Variants in MYEF2 observed in about 807,000 individuals in gnomAD.
MYEF2 encodes the protein myelin expression factor 2, also known as myelin gene expression factor 2.
A neutral mutation model predicts 75.2 loss-of-function variants in MYEF2; 37 were observed. That is an observed-to-expected ratio of 0.49 (90% CI 0.38 to 0.65). The LOEUF is 0.65. MYEF2 is among the 30% of genes least tolerant of loss of function. The pLI is 0.00. For synonymous variants in MYEF2, 195 were observed against 241.6 expected, an observed-to-expected ratio of 0.81 and a Z score of 1.79; for missense variants, 634 against 771.4, an observed-to-expected ratio of 0.82 and a Z score of 2.11.
chr15:48,160,370 G>C (rs2039889702), intron 5 of MYEF2, among the ~76,000 whole-genome samples: 1 of 151,946 alleles, frequency 6.6e-6, no homozygotes, highest in African/African-American at 2.4e-5. Flanking sequence ...AGATGGAGGA[G>C]AGGAGAGATA....
In MYEF2 at chr15:48,158,016, T is replaced by A. The variant is rs764656358; in HGVS notation, c.962A>T (p.Asp321Val). The change falls in exon 9 of 17, where the codon GAT (aspartate) becomes GTT (valine). Residue 321 changes from aspartate to valine, a missense_variant. Transcript: ENST00000324324. ...ACGTGGTAATTGTGGTGTTTTACCA[T>A]CATGTGAACGGTACTCTTCATGAGG... ...SVPHEEYRSH[D>V]GKTPQLPRGL... The A allele has an allele frequency of 1.2e-6, 2 of 1,613,148 alleles. No homozygotes were observed. The highest frequency in any genetic ancestry group is 1.7e-6 in the Non-Finnish European group (2 of 1,179,408).
At chr15:48,151,018 C>T in intron 14 of MYEF2, 82 bp downstream of exon 14, 1 of 890,092 alleles carries the variant, frequency 1.1e-6, no homozygotes, top group Non-Finnish European at 1.7e-6. Flanking sequence ...CAAAGTATTA[C>T]TATACTACGA....
intron 2 of MYEF2, 68 bp from the exon 3 acceptor site, chr15:48,167,469 T>G: frequency 7.2e-7 from 1 of 1,382,230 alleles, no homozygotes; most frequent in African/African-American, 1.4e-5. Flanking sequence ...CTTGCTTTAC[T>G]GCACACCTGT....
In MYEF2 at chr15:48,166,002, T is replaced by C. The variant is rs1305791870; in HGVS notation, c.456A>G (p.Glu152=). 2 of 1,598,138 alleles carry C rather than the reference T, an allele frequency of 1.3e-6. No homozygotes were observed. The highest frequency in any genetic ancestry group is 2.2e-5 in the East Asian group (1 of 44,586). The change falls in exon 5 of 17, where the codon GAA becomes GAG. Residue 152 remains glutamate (E), a synonymous_variant. Coordinates refer to ENST00000324324, the MANE Select transcript of MYEF2 (RefSeq NM_016132.5). ...GCGVVEFKDE[E]FVKKALETMN... is the part of the protein sequence containing the mutation. ...TAGTTTCTAGGGCTTTCTTTACAAATTCTTCATCTTTGAATTCAACCACAC... is the reference window on the plus strand; with the variant it reads ...TAGTTTCTAGGGCTTTCTTTACAAACTCTTCATCTTTGAATTCAACCACAC...
At chr15:48,155,971 T>C (rs1238459594) in intron 9 of MYEF2, among the ~76,000 whole-genome samples, 3 of 151,694 alleles carry the variant, frequency 2.0e-5, no homozygotes, top group African/African-American at 4.8e-5. Context: ...AGAGACGGGG[T>C]TTCACCATGT....
chr15:48,178,091 G>A lies in MYEF2; in HGVS notation c.147C>T (p.Ser49=). ...EKQQPQHSSS[S]NGVKMENDES... The stretch of plus-strand genomic sequence containing the variant: ...AAAGACAATACATTTTAACGCCATT[G>A]GAGCTGCTGCTGTGCTGCGGCTGCT... The change falls in exon 1 of 17, where the codon TCC becomes TCT. Residue 49 remains serine, a synonymous_variant. Coordinates refer to ENST00000324324, the MANE Select transcript of MYEF2 (RefSeq NM_016132.5). 1 of 1,599,990 alleles carries A rather than the reference G, an allele frequency of 6.3e-7. No homozygotes were observed. Among genetic ancestry groups the A allele is most frequent in the Non-Finnish European group, 8.5e-7 (1 of 1,173,764 alleles).
intron 14 of MYEF2, 54 bp downstream of exon 14, chr15:48,151,046 T>C: frequency 8.0e-7 from 1 of 1,254,464 alleles, no homozygotes; most frequent in Admixed American, 1.9e-5. Flanking sequence ...TCTTGCAAAG[T>C]CTTTGCAAGC....
Position 48,158,695 on chromosome 15 carries a change from AC to A in MYEF2, c.871+73del, listed in dbSNP as rs578006043. 1,046 of 1,560,402 alleles carry A rather than the reference AC, an allele frequency of 6.7e-4. 10 individuals carry two copies. The African/African-American group carries it at 0.013, about 19-fold the overall frequency. ...AAGCCAGGCAACCTTAAATTCAATT[AC>A]CCCCCGCCAAAACAAAGGTGGTATT... On this transcript the variant is annotated intron_variant, in intron 7 of 16. Coordinates refer to ENST00000324324, the MANE Select transcript of MYEF2 (RefSeq NM_016132.5).
chr15:48,152,998 C>T (rs1202675457), intron 10 of MYEF2: 1 of 139,478 alleles, frequency 7.2e-6, no homozygotes, highest in Non-Finnish European at 1.5e-5. Flanking sequence ...ATGTTTTACC[C>T]TCATTCTCTT....
rs925645237 is a variant in MYEF2, at chr15:48,178,185, G to C, written c.53C>G (p.Pro18Arg). 10 of 1,531,044 alleles carry C rather than the reference G, an allele frequency of 6.5e-6. No individual in the cohort carries two copies. The Admixed American group carries it at 1.8e-4, about 28-fold the overall frequency. The allele number at this position is 1,531,044 out of a possible 1,614,324, so 94.8% of individuals were successfully genotyped here. A position where few individuals can be genotyped will look rare whatever the true frequency, so the allele number is the denominator to read the frequency against. The change falls in exon 1 of 17, where the codon CCG (proline) becomes CGG (arginine). Residue 18 changes from proline (P) to arginine (R), a missense_variant. Pro to Arg is a moderately radical substitution (Grantham distance 103, BLOSUM62 -2). Coordinates refer to ENST00000324324, the MANE Select transcript of MYEF2 (RefSeq NM_016132.5). ...EVPGATGGDS[P>R]HLQPAEPPGE... ...CGGCGGCTCTGCGGGCTGCAGGTGCGGGCTGTCGCCACCAGTGGCCCCGGG... is the reference window on the plus strand; with the variant it reads ...CGGCGGCTCTGCGGGCTGCAGGTGCCGGCTGTCGCCACCAGTGGCCCCGGG...
chr15:48,168,946 C>T lies in MYEF2; in HGVS notation c.162-107G>A, dbSNP rs143925993. ...ATATTTATCACCTCACAAAACTCTCCACTAAGCTAGACCTCAGCAAAGTAG... is the reference window on the plus strand; with the variant it reads ...ATATTTATCACCTCACAAAACTCTCTACTAAGCTAGACCTCAGCAAAGTAG... On this transcript the variant is annotated intron_variant, in intron 1 of 16. Coordinates refer to ENST00000324324, the MANE Select transcript of MYEF2 (RefSeq NM_016132.5). 262 of 864,390 alleles carry T rather than the reference C, an allele frequency of 3.0e-4. 2 individuals are homozygous for T. In the African/African-American group the frequency reaches 4.1e-3, roughly 13 times the overall value. 53.5% of individuals were successfully genotyped at this position (864,390 alleles called of 1,614,324 possible).
chr15:48,150,050 T>G (rs2039434689), intron 14 of MYEF2: 1 of 152,150 alleles, frequency 6.6e-6, no homozygotes. Flanking sequence ...AGCTCCGAAC[T>G]CATACCTACT....
chr15:48,141,952 GT>G lies in MYEF2; in HGVS notation c.*955del. 9.1e-7 allele frequency: 1 copy of G among 1,102,308 alleles called. No homozygotes were observed. 68.3% of individuals were successfully genotyped at this position (1,102,308 alleles called of 1,614,324 possible). A position where few individuals can be genotyped will look rare whatever the true frequency, so the allele number is the denominator to read the frequency against. On this transcript the variant is annotated 3_prime_UTR_variant, in exon 17 of 17. Coordinates refer to ENST00000324324, the MANE Select transcript of MYEF2 (RefSeq NM_016132.5). ...AATCAACAACAAAAAAGTATCCAGT[GT>G]TTCTTTTCTTATGAAGATTATTAAT...
At position 48,134,928 on chromosome 15, in the gene MYEF2, G is replaced by A. The variant is rs138902406; in HGVS notation, c.*7980C>T. 8.0e-5 allele frequency: 129 copies of A among 1,612,476 alleles called. No homozygotes were observed. Among genetic ancestry groups the A allele is most frequent in the Middle Eastern group, 5.0e-4 (3 of 6,056 alleles). On this transcript the variant is annotated 3_prime_UTR_variant, in exon 17 of 17. Transcript: ENST00000324324. The stretch of plus-strand genomic sequence containing the variant: ...GGCCCCTATTCAGAGACTGTGCAGC[G>A]TACACAATTAGTGCAGCAGCAGTTC...
chr15:48,139,406 C>A lies in MYEF2; in HGVS notation c.*3502G>T. ...CTGTTATTTAGCCTGGGGTACAATT[C>A]AAGAGATCTTATAAATGAAATCAAA... On this transcript the variant is annotated 3_prime_UTR_variant, in exon 17 of 17. Coordinates refer to ENST00000324324, the MANE Select transcript of MYEF2 (RefSeq NM_016132.5). The A allele has an allele frequency of 2.8e-6, 1 of 352,540 alleles. No homozygotes were observed. The highest frequency in any genetic ancestry group is 5.2e-6 in the Non-Finnish European group (1 of 194,082). 21.8% of individuals were successfully genotyped at this position (352,540 alleles called of 1,614,324 possible).
chr15:48,136,726 T>G lies in MYEF2; in HGVS notation c.*6182A>C. The G allele has an allele frequency of 6.2e-7, 1 of 1,613,470 alleles. No individual in the cohort carries two copies. Among genetic ancestry groups the G allele is most frequent in the Non-Finnish European group, 8.5e-7 (1 of 1,179,710 alleles). Reference sequence around the variant, plus strand: ...GCTTTTGATATATGGATTGTATGTTTTGGTGCTGTGTTTTGACATTAAAAT... The same window carrying G: ...GCTTTTGATATATGGATTGTATGTTGTGGTGCTGTGTTTTGACATTAAAAT... On this transcript the variant is annotated 3_prime_UTR_variant, in exon 17 of 17. Coordinates refer to ENST00000324324, the MANE Select transcript of MYEF2 (RefSeq NM_016132.5).
At chr15:48,178,014 C>G (rs2140959495) in intron 1 of MYEF2, 63 bp downstream of exon 1, 1 of 1,536,248 alleles carries the variant, frequency 6.5e-7, no homozygotes, top group South Asian at 1.2e-5. Flanking sequence ...AGCCCGGCCT[C>G]TAGCCGCCCG....
In MYEF2 at chr15:48,137,157, G is replaced by A. The variant is rs1199780508; in HGVS notation, c.*5751C>T. ...AATACAAAATAGCTAAAGTATGAAC[G>A]TTAAGTACCATAAAAAGAGAAAAAT... On this transcript the variant is annotated 3_prime_UTR_variant, in exon 17 of 17. Transcript: ENST00000324324. 5.4e-6 allele frequency: 3 copies of A among 558,882 alleles called. No individual in the cohort carries two copies. The highest frequency in any genetic ancestry group is 3.0e-5 in the South Asian group (1 of 32,882). 34.6% of individuals were successfully genotyped at this position (558,882 alleles called of 1,614,324 possible). A position where few individuals can be genotyped will look rare whatever the true frequency, so the allele number is the denominator to read the frequency against.
chr15:48,151,788 C>A, intron 12 of MYEF2, 86 bp downstream of exon 12: 1 of 1,477,690 alleles, frequency 6.8e-7, no homozygotes, highest in Non-Finnish European at 9.4e-7. Context: ...ACATTTTTAG[C>A]ACACATTCCT....
Sources: allele counts gnomAD v4.1 joint callset (sites outside exome capture counted in the v4.1 genomes callset), GRCh38; gene constraint gnomAD v4.1.1; transcripts MANE v1.5; gene names NCBI Gene and HGNC (gene_info 2026-07-23, HGNC 2026-07-21).